GIT2: variants seen among roughly 807,000 people sequenced by gnomAD.
The protein encoded by GIT2 is GIT ArfGAP 2, also known as ARF GTPase-activating protein GIT2.
In GIT2, 32 loss-of-function variants were observed where a neutral mutation model predicts 100.3. The ratio of observed to expected loss-of-function variants is 0.32; its 90% CI spans 0.24 to 0.43. GIT2 has a LOEUF of 0.43. Among genes scored for constraint, GIT2 ranks in the 20% least tolerant of loss-of-function variants. GIT2 has a pLI of 1.00. For missense variants in GIT2, 737 were observed against 975.1 expected (o/e 0.76, Z 3.25); for synonymous variants, 353 against 364.1 (o/e 0.97, Z 0.35).
chr12:109,938,047 G>A (rs899057902), intron 18 of GIT2, among the ~76,000 whole-genome samples: 2 of 152,094 alleles, frequency 1.3e-5, no homozygotes, highest in Admixed American at 6.5e-5. Flanking sequence ...GCCAGGCCAG[G>A]GTATAGCCAT....
intron 1 of GIT2, 178 bp from the exon 2 acceptor site, chr12:109,991,938 G>T: frequency 1.8e-6 from 1 of 550,840 alleles, no homozygotes. Context: ...TGGCTGATTA[G>T]GTACAATGTT....
chr12:109,961,525 G>T, intron 10 of GIT2, 88 bp downstream of exon 10: 1 of 975,954 alleles, frequency 1.0e-6, no homozygotes, highest in Admixed American at 1.7e-5. Flanking sequence ...CAGGACAGCA[G>T]AAATTGGACT....
intron 7 of GIT2, among the ~76,000 whole-genome samples, chr12:109,976,871 G>C (rs1056810893): frequency 6.6e-6 from 1 of 152,216 alleles, no homozygotes; most frequent in Non-Finnish European, 1.5e-5. Context: ...TTACAGGCTT[G>C]AGCTACTGCA....
chr12:109,995,928 T>C (rs960563571), intron 1 of GIT2, among the ~76,000 whole-genome samples: 19 of 152,234 alleles, frequency 1.2e-4, no homozygotes, highest in South Asian at 1.0e-3. Context: ...CCTCCCCAGT[T>C]GGCCTAGGAC....
At chr12:109,991,904 C>G (rs1888473066) in intron 1 of GIT2, 144 bp from the exon 2 acceptor site, 2 of 652,968 alleles carry the variant, frequency 3.1e-6, no homozygotes, top group Non-Finnish European at 5.3e-6. Flanking sequence ...GGCTGGTCAT[C>G]TTGTTGGATG....
At chr12:109,979,831 G>T (rs1490253851) in intron 7 of GIT2, among the ~76,000 whole-genome samples, 1 of 152,128 alleles carries the variant, frequency 6.6e-6, no homozygotes, top group Non-Finnish European at 1.5e-5. Flanking sequence ...CTATACCAGA[G>T]GCTCTTAACT....
At chr12:109,945,129 C>A in intron 16 of GIT2, 131 bp downstream of exon 16, 1 of 630,042 alleles carries the variant, frequency 1.6e-6, no homozygotes, top group Non-Finnish European at 2.9e-6. Flanking sequence ...CTGTGAGAAA[C>A]CAGGAGGAAG....
At chr12:109,993,015 G>A (rs1252913865) in intron 1 of GIT2, among the ~76,000 whole-genome samples, 1 of 148,838 alleles carries the variant, frequency 6.7e-6, no homozygotes, top group Non-Finnish European at 1.5e-5. Flanking sequence ...TCCTGCAACT[G>A]ATCTGAAAAA....
At position 109,965,511 on chromosome 12, in the gene GIT2, C is replaced by G; in HGVS notation, c.816+15G>C. 6.6e-7 allele frequency: 1 copy of G among 1,518,948 alleles called. No individual in the cohort carries two copies. 94.1% of individuals were successfully genotyped at this position (1,518,948 alleles called of 1,614,324 possible). ...ATTCTCATACTAGAGAAAACCAGTA[C>G]AGAGAAATACTCACAGATTGAAGTT... is the stretch of plus-strand genomic sequence containing the variant. On this transcript the variant is annotated intron_variant, in intron 9 of 19. Transcript: ENST00000355312.
chr12:109,936,868 CAAAA>C (rs112015119), intron 18 of GIT2, among the ~76,000 whole-genome samples: 3 of 91,736 alleles, frequency 3.3e-5, no homozygotes, highest in Admixed American at 2.5e-4. Flanking sequence ...GACTCTGTCT[CAAAA>C]AAAAAAAAAA....
chr12:109,956,282 T>C (rs11069043), intron 12 of GIT2, among the ~76,000 whole-genome samples: 27,581 of 152,140 alleles, frequency 0.18, 4,867 homozygotes, highest in African/African-American at 0.47. Flanking sequence ...GACGTGATCA[T>C]GGCTCACTGC....
At position 109,962,214 on chromosome 12, in the gene GIT2, G is replaced by A. The variant is rs147128641; in HGVS notation, c.817-529C>T. Among the ~76,000 whole-genome samples the A allele has an allele frequency of 6.9e-3, 1,050 of 152,170 alleles. 1 individual carries two copies. Among genetic ancestry groups the A allele is most frequent in the Non-Finnish European group, 9.4e-3 (641 of 68,002 alleles). On this transcript the variant is annotated intron_variant, in intron 9 of 19. Coordinates refer to ENST00000355312, the MANE Select transcript of GIT2 (RefSeq NM_057169.5). The surrounding 1 kb of genome is among the most constrained non-coding windows in gnomAD (Gnocchi z 4.3). Reference sequence around the variant, plus strand: ...CAGAAAATACAAAAACTAGCTGGGCGTGGTGGTGCACACTTGTAGTGCCAA... The same window carrying A: ...CAGAAAATACAAAAACTAGCTGGGCATGGTGGTGCACACTTGTAGTGCCAA...
intron 3 of GIT2, 62 bp downstream of exon 3, chr12:109,989,628 C>G (rs1888029317): frequency 1.1e-6 from 1 of 941,850 alleles, no homozygotes; most frequent in African/African-American, 1.6e-5. Flanking sequence ...AATAGCTGCA[C>G]TCCTTTCAGT....
At chr12:109,949,097 G>T (rs1877130011) in intron 14 of GIT2, 3 of 528,044 alleles carry the variant, frequency 5.7e-6, no homozygotes, top group Non-Finnish European at 9.9e-6. Flanking sequence ...TATCACAAAG[G>T]CTGGCAGGGT....
At position 109,993,864 on chromosome 12, in the gene GIT2, A is replaced by T. The variant is rs79199042; in HGVS notation, c.53-2104T>A. On this transcript the variant is annotated intron_variant, in intron 1 of 19. Transcript: ENST00000355312. ...GTATTTGAAATGAACCAGATTCATTAAAAAAAAAAAAGTAGAATATTTAAG... is the reference window on the plus strand; with the variant it reads ...GTATTTGAAATGAACCAGATTCATTTAAAAAAAAAAAGTAGAATATTTAAG... Among the ~76,000 whole-genome samples the T allele has an allele frequency of 2.8e-5, 4 of 142,414 alleles. No individual in the cohort carries two copies. In the East Asian group the frequency reaches 8.0e-4, roughly 28 times the overall value. 93.4% of individuals were successfully genotyped at this position (142,414 alleles called of 152,430 possible).
intron 18 of GIT2, among the ~76,000 whole-genome samples, chr12:109,936,320 T>C (rs1053469199): frequency 2.1e-5 from 3 of 143,426 alleles, no homozygotes; most frequent in Non-Finnish European, 3.0e-5. Context: ...TTGTAAATTT[T>C]AAACAAAGAA....
chr12:109,944,573 G>A (rs1234370479), intron 16 of GIT2, among the ~76,000 whole-genome samples: 1 of 152,214 alleles, frequency 6.6e-6, no homozygotes, highest in Admixed American at 6.5e-5. Context: ...GCTGTGTATG[G>A]AGGAGGTGCT....
rs138825669 is a variant in GIT2 at position 109,948,691 on chromosome 12, A to G, written c.1393-1187T>C. On this transcript the variant is annotated intron_variant, in intron 14 of 19. Transcript: ENST00000355312. The surrounding 1 kb of genome is among the most constrained non-coding windows in gnomAD (Gnocchi z 4.3). The stretch of plus-strand genomic sequence containing the variant: ...CACCAGTGCCAAGGTTTAAGTCCAC[A>G]AGCAACTGTTTGCACCAGAAGATCA... The G allele has an allele frequency of 2.9e-4, 426 of 1,454,208 alleles. 1 individual carries two copies. The African/African-American group carries it at 4.3e-3, about 15-fold the overall frequency. 90.1% of individuals were successfully genotyped at this position (1,454,208 alleles called of 1,614,324 possible).
At chr12:109,988,868 AAAAG>A in intron 4 of GIT2, 91 bp downstream of exon 4, 3 of 616,682 alleles carry the variant, frequency 4.9e-6, no homozygotes, top group Non-Finnish European at 5.7e-6. Context: ...AAAAAAAAAA[AAAAG>A]CCCACAACCA....
Sources: gnomAD v4.1 joint callset for allele counts (sites outside exome capture counted in the v4.1 genomes callset) on GRCh38, gnomAD v4.1.1 for gene constraint, Gnocchi (gnomAD v3.1) non-coding constraint, MANE v1.5 for transcripts, NCBI Gene and HGNC (gene_info 2026-07-23, HGNC 2026-07-21) for gene names.